Variants in CLNK observed in about 807,000 individuals in gnomAD.
CLNK encodes the protein cytokine dependent hematopoietic cell linker.
A neutral mutation model predicts 68.6 loss-of-function variants in CLNK; 74 were observed. The observed-to-expected ratio is 1.08, with a 90% CI of 0.89 to 1.31. The LOEUF (loss-of-function observed/expected upper bound fraction) is 1.31, where lower values mean the gene tolerates loss of function less well. Among genes scored for constraint, CLNK ranks in the 50% most tolerant of loss-of-function variants. The pLI is 0.00. For missense variants in CLNK, 553 were observed against 515.3 expected (o/e 1.07, Z -0.71); for synonymous variants, 198 against 172.2 (o/e 1.15, Z -1.17).
intron 18 of CLNK, among the ~76,000 whole-genome samples, chr4:10,492,469 G>A (rs1253294385): frequency 3.3e-5 from 5 of 152,164 alleles, no homozygotes; most frequent in African/African-American, 9.7e-5. Flanking sequence ...CAGGGATGAC[G>A]TTCTGTTGGG....
intron 13 of CLNK, among the ~76,000 whole-genome samples, chr4:10,527,241 T>G (rs890717254): frequency 1.3e-5 from 2 of 152,212 alleles, no homozygotes; most frequent in Non-Finnish European, 2.9e-5. Flanking sequence ...GGAAAGGGCA[T>G]GGTTTCAGTT....
intron 8 of CLNK, among the ~76,000 whole-genome samples, chr4:10,552,463 C>A (rs551633266): frequency 6.6e-6 from 1 of 152,154 alleles, no homozygotes; most frequent in African/African-American, 2.4e-5. Context: ...TATTGTAGAT[C>A]GGCCTTTGGA....
chr4:10,695,077 A>G, the CLNK span, among the ~76,000 whole-genome samples: 1 of 152,210 alleles, frequency 6.6e-6, no homozygotes, highest in Non-Finnish European at 1.5e-5. Flanking sequence ...ATCACAGGAT[A>G]CAAAGTTTCA....
chr4:10,575,065 G>A (rs1440475611), intron 4 of CLNK, among the ~76,000 whole-genome samples: 1 of 152,102 alleles, frequency 6.6e-6, no homozygotes. Flanking sequence ...GGTTTTGTCT[G>A]CAGCTTGTCC....
the CLNK span, among the ~76,000 whole-genome samples, chr4:10,714,979 C>T: frequency 1.4e-4 from 22 of 152,078 alleles, no homozygotes; most frequent in Middle Eastern, 3.4e-3. Flanking sequence ...CTTAAATCAA[C>T]ATCCTTCTTT....
In CLNK at chr4:10,524,682, G is replaced by A. The variant is rs556375162; in HGVS notation, c.731+1159C>T. 8.5e-5 allele frequency among the ~76,000 whole-genome samples: 13 copies of A among 152,224 alleles called. No individual in the cohort carries two copies. In the East Asian group the frequency reaches 2.1e-3, roughly 25 times the overall value. ...GCTTGGCTTCAGTGGTAAAGGGCTC[G>A]GTCTTTCCCAGCTTCATGTTTTTCA... On this transcript the variant is annotated intron_variant, in intron 14 of 18. Transcript: ENST00000226951.
intron 2 of CLNK, among the ~76,000 whole-genome samples, chr4:10,653,938 T>C (rs1673721379): frequency 6.6e-6 from 1 of 152,204 alleles, no homozygotes; most frequent in Non-Finnish European, 1.5e-5. Context: ...AAACTGACTA[T>C]CTTTCTATAA....
At chr4:10,705,982 C>T in the CLNK span, among the ~76,000 whole-genome samples, 2 of 152,236 alleles carry the variant, frequency 1.3e-5, no homozygotes, top group South Asian at 4.1e-4. Context: ...GGCATTTTGA[C>T]TCAAAGGTCT....
At chr4:10,585,392 T>C (rs1413757888) in intron 3 of CLNK, among the ~76,000 whole-genome samples, 1 of 152,242 alleles carries the variant, frequency 6.6e-6, no homozygotes, top group Admixed American at 6.5e-5. Context: ...AATCACCGAG[T>C]TTTGGCCAAT....
intron 3 of CLNK, among the ~76,000 whole-genome samples, chr4:10,588,875 A>G (rs1158096808): frequency 6.6e-6 from 1 of 152,052 alleles, no homozygotes; most frequent in Non-Finnish European, 1.5e-5. Context: ...ACAATGTATT[A>G]TACGTCTAAA....
At chr4:10,612,175 G>A (rs559236423) in intron 2 of CLNK, among the ~76,000 whole-genome samples, 1 of 152,154 alleles carries the variant, frequency 6.6e-6, no homozygotes, top group East Asian at 1.9e-4. Context: ...ATCTCTCAGC[G>A]AAAAAAATGA....
chr4:10,625,182 G>C (rs937877951), intron 2 of CLNK, among the ~76,000 whole-genome samples: 1 of 152,196 alleles, frequency 6.6e-6, no homozygotes, highest in Non-Finnish European at 1.5e-5. Flanking sequence ...GATTTTAACA[G>C]ACCAATCCAC....
the CLNK span, among the ~76,000 whole-genome samples, chr4:10,725,727 C>T: frequency 3.3e-5 from 5 of 151,760 alleles, no homozygotes; most frequent in South Asian, 2.1e-4. Flanking sequence ...TGTTGGCGGG[C>T]GCCTGTAGTC....
chr4:10,608,786 G>A (rs537667121), intron 2 of CLNK, among the ~76,000 whole-genome samples: 3 of 152,282 alleles, frequency 2.0e-5, no homozygotes, highest in African/African-American at 7.2e-5. Flanking sequence ...ACCATAGGCT[G>A]GGGGGCTTGA....
chr4:10,593,484 A>G (rs7660505), intron 3 of CLNK, among the ~76,000 whole-genome samples: 144,183 of 152,036 alleles, frequency 0.95, 68,572 homozygotes, highest in East Asian at 1. Context: ...GCGAAACCCC[A>G]TCTCTACTAA....
chr4:10,548,529 G>T (rs2108880), intron 8 of CLNK, among the ~76,000 whole-genome samples: 114,469 of 152,156 alleles, frequency 0.75, 43,187 homozygotes, highest in African/African-American at 0.78. Context: ...TTGTTTATTT[G>T]TGCTTTTGCT....
In CLNK at chr4:10,512,123, A is replaced by G. The variant is rs116306449; in HGVS notation, c.906+1341T>C. Among the ~76,000 whole-genome samples, 1,013 of 152,268 alleles carry G rather than the reference A, an allele frequency of 6.7e-3. 11 individuals are homozygous for G. The highest frequency in any genetic ancestry group is 0.038 in the East Asian group (196 of 5,180). On this transcript the variant is annotated intron_variant, in intron 16 of 18. Coordinates refer to ENST00000226951, the MANE Select transcript of CLNK (RefSeq NM_052964.4). ...AATCTGGGATCTGGGAGGGAGCGTAATCTTGTGTGGACCTCTAGTTAGAAC... is the reference window on the plus strand; with the variant it reads ...AATCTGGGATCTGGGAGGGAGCGTAGTCTTGTGTGGACCTCTAGTTAGAAC...
At chr4:10,548,616 C>T (rs1312380426) in intron 8 of CLNK, among the ~76,000 whole-genome samples, 3 of 152,136 alleles carry the variant, frequency 2.0e-5, no homozygotes, top group African/African-American at 7.2e-5. Context: ...ATGTTTTCTT[C>T]TAGGAGTTCT....
chr4:10,566,368 A>C (rs755884469), intron 5 of CLNK, among the ~76,000 whole-genome samples: 31 of 152,358 alleles, frequency 2.0e-4, no homozygotes, highest in Non-Finnish European at 3.4e-4. Context: ...CTGAATCAAT[A>C]CTAATCTAGG....
Sources: allele counts gnomAD v4.1 joint callset (sites outside exome capture counted in the v4.1 genomes callset), GRCh38; gene constraint gnomAD v4.1.1; transcripts MANE v1.5; gene names NCBI Gene and HGNC (gene_info 2026-07-23, HGNC 2026-07-21).